Variants in SRGAP3 observed in about 807,000 individuals in gnomAD.
SRGAP3 encodes SLIT-ROBO Rho GTPase-activating protein 3.
SRGAP3 carries 39 observed loss-of-function variants against 121.1 expected under a neutral mutation model. The ratio of observed to expected loss-of-function variants is 0.32; its 90% confidence interval spans 0.25 to 0.42. The LOEUF is 0.42. SRGAP3 is among the 10% of genes least tolerant of loss of function. The pLI is 1.00. For synonymous variants in SRGAP3, 601 were observed against 570.0 expected (o/e 1.05, Z -0.77); for missense variants, 1,213 against 1,470.6 (o/e 0.82, Z 2.86).
chr3:9,310,459 A>C (rs1252903945), intron 3 of SRGAP3, among the ~76,000 whole-genome samples: 1 of 152,120 alleles, frequency 6.6e-6, no homozygotes, highest in Non-Finnish European at 1.5e-5. Context: ...ATCTTTGACC[A>C]CAGAGACTGG....
At chr3:9,186,170 C>T (rs1350849880) in intron 1 of SRGAP3, among the ~76,000 whole-genome samples, 1 of 152,152 alleles carries the variant, frequency 6.6e-6, no homozygotes, top group African/African-American at 2.4e-5. Context: ...CAAACCTTGT[C>T]GCCTTTGAAC....
intron 10 of SRGAP3, among the ~76,000 whole-genome samples, chr3:9,040,493 C>T (rs573807853): frequency 1.3e-4 from 20 of 152,292 alleles, no homozygotes; most frequent in African/African-American, 4.8e-4. Flanking sequence ...TGGGTCTCAA[C>T]TTAAAAGCTG....
intron 1 of SRGAP3, chr3:9,349,169 GCCCAGGGTAAGGCCA>G: frequency 1.4e-6 from 1 of 739,130 alleles, no homozygotes; most frequent in Non-Finnish European, 2.5e-6. Context: ...AGCTGTGGCT[GCCCAGGGTAAGGCCA>G]AGAAGTAAAG....
At chr3:9,185,472 T>A (rs1037945871) in intron 1 of SRGAP3, among the ~76,000 whole-genome samples, 2 of 151,880 alleles carry the variant, frequency 1.3e-5, no homozygotes, top group Admixed American at 1.3e-4. Context: ...ACCCCTTTGT[T>A]GGGGTGGGGG....
At chr3:9,003,879 C>T (rs976311852) in intron 18 of SRGAP3, among the ~76,000 whole-genome samples, 1 of 152,216 alleles carries the variant, frequency 6.6e-6, no homozygotes, top group African/African-American at 2.4e-5. Flanking sequence ...CAGTGTTGTA[C>T]TGGAGATTCT....
chr3:9,250,699 C>T (rs1257465019), upstream of SRGAP3, among the ~76,000 whole-genome samples: 1 of 152,128 alleles, frequency 6.6e-6, no homozygotes, highest in Non-Finnish European at 1.5e-5. Flanking sequence ...AACAACCTAA[C>T]AACATAGGTA....
At chr3:9,348,891 C>T (rs2029897850) in intron 1 of SRGAP3, 3 of 1,088,006 alleles carry the variant, frequency 2.8e-6, no homozygotes, top group African/African-American at 1.5e-5. Context: ...CAGCTACCCT[C>T]CTGTGAGAGT....
At chr3:8,993,184 G>T in intron 19 of SRGAP3, 129 bp from the exon 20 acceptor site, 2 of 1,445,346 alleles carry the variant, frequency 1.4e-6, no homozygotes, top group Non-Finnish European at 9.4e-7. Flanking sequence ...CACAGCGCTT[G>T]CTAGGCCACT....
intron 1 of SRGAP3, among the ~76,000 whole-genome samples, chr3:9,178,024 T>C (rs971149814): frequency 1.3e-5 from 2 of 151,972 alleles, no homozygotes; most frequent in Non-Finnish European, 2.9e-5. Context: ...TCCTAGCACT[T>C]TGGGAGGCCA....
At chr3:9,075,559 G>A (rs956927438) in intron 4 of SRGAP3, among the ~76,000 whole-genome samples, 9 of 152,206 alleles carry the variant, frequency 5.9e-5, no homozygotes, top group African/African-American at 1.9e-4. Context: ...AGTCTCCTCT[G>A]CATCCTTCCT....
chr3:9,052,954 T>C, intron 9 of SRGAP3, 73 bp downstream of exon 9: 1 of 1,560,782 alleles, frequency 6.4e-7, no homozygotes, highest in Non-Finnish European at 8.8e-7. Context: ...TCTCAGTAGC[T>C]TGGGTTGCTC....
chr3:9,051,133 C>A (rs954615744), intron 9 of SRGAP3, among the ~76,000 whole-genome samples: 4 of 142,702 alleles, frequency 2.8e-5, no homozygotes, highest in Non-Finnish European at 6.0e-5. Context: ...CTCAAGTAAT[C>A]CTTCCACCTC....
At chr3:9,065,727 T>C (rs1946399992) in intron 4 of SRGAP3, among the ~76,000 whole-genome samples, 1 of 152,244 alleles carries the variant, frequency 6.6e-6, no homozygotes, top group Admixed American at 6.5e-5. Context: ...ATCTGTTTAC[T>C]TAGTCATATG....
At chr3:9,283,003 C>T (rs1026798586) in intron 3 of SRGAP3, among the ~76,000 whole-genome samples, 1 of 151,828 alleles carries the variant, frequency 6.6e-6, no homozygotes, top group African/African-American at 2.4e-5. Flanking sequence ...ATGGCAGGAT[C>T]TCGGTTCACT....
At chr3:9,170,810 T>A (rs1950951475) in intron 1 of SRGAP3, among the ~76,000 whole-genome samples, 1 of 152,142 alleles carries the variant, frequency 6.6e-6, no homozygotes, top group Admixed American at 6.5e-5. Flanking sequence ...ACGCCACAGC[T>A]CAGCACTGCT....
intron 6 of SRGAP3, 188 bp downstream of exon 6, chr3:9,060,043 G>A (rs1946060014): frequency 1.1e-6 from 1 of 901,976 alleles, no homozygotes; most frequent in Non-Finnish European, 1.7e-6. Context: ...CGTGAAAATA[G>A]ACACCACGAG....
chr3:9,090,112 T>C (rs1043631151), intron 3 of SRGAP3, among the ~76,000 whole-genome samples: 2 of 152,186 alleles, frequency 1.3e-5, no homozygotes, highest in African/African-American at 4.8e-5. Flanking sequence ...TCCATGCTTA[T>C]GTCAGTCTGT....
At chr3:9,060,914 C>T (rs1946138022) in intron 5 of SRGAP3, among the ~76,000 whole-genome samples, 1 of 152,112 alleles carries the variant, frequency 6.6e-6, no homozygotes, top group Non-Finnish European at 1.5e-5. Flanking sequence ...GAGCAGCAGC[C>T]TCTGACGGTC....
intron 1 of SRGAP3, among the ~76,000 whole-genome samples, chr3:9,357,167 C>G (rs1575034022): frequency 6.6e-6 from 1 of 151,932 alleles, no homozygotes. Flanking sequence ...GTCGCTTGAG[C>G]CTGGGAGCCA....
Sources: allele counts gnomAD v4.1 joint callset (sites outside exome capture counted in the v4.1 genomes callset), GRCh38; gene constraint gnomAD v4.1.1; transcripts MANE v1.5; gene names NCBI Gene and HGNC (gene_info 2026-07-23, HGNC 2026-07-21).